The following ATRNL1 variants were observed in gnomAD, a reference collection of about 807,000 sequenced individuals.
The protein encoded by ATRNL1 is attractin-like protein 1.
ATRNL1 carries 95 observed loss-of-function variants against 182.7 expected under a neutral mutation model. That is an observed-to-expected ratio of 0.52 (90% CI 0.44 to 0.62). The LOEUF (loss-of-function observed/expected upper bound fraction) is 0.62. Ranked by LOEUF, ATRNL1 falls within the 20% of genes least tolerant of loss-of-function variation. ATRNL1 has a pLI of 0.00. For synonymous variants in ATRNL1, 576 were observed against 568.3 expected (o/e 1.01, Z -0.19); for missense variants, 1,471 against 1,679.5 (o/e 0.88, Z 2.17).
intron 28 of ATRNL1, among the ~76,000 whole-genome samples, chr10:115,933,958 C>T (rs1230845675): frequency 6.6e-6 from 1 of 152,196 alleles, no homozygotes; most frequent in African/African-American, 2.4e-5. Flanking sequence ...TTTGCACACA[C>T]ACCCCAGCCC....
intron 1 of ATRNL1, among the ~76,000 whole-genome samples, chr10:115,099,058 T>G (rs2085094009): frequency 6.6e-6 from 1 of 152,228 alleles, no homozygotes; most frequent in Non-Finnish European, 1.5e-5. Context: ...CTAGAAAGTT[T>G]CCATGTGTTT....
chr10:115,603,375 C>T (rs1227439020), intron 26 of ATRNL1, among the ~76,000 whole-genome samples: 4 of 152,102 alleles, frequency 2.6e-5, no homozygotes, highest in Non-Finnish European at 2.9e-5. Context: ...AGACTCCTGT[C>T]ATCCCATCAA....
At chr10:115,694,558 A>G (rs1186827784) in intron 26 of ATRNL1, among the ~76,000 whole-genome samples, 2 of 152,122 alleles carry the variant, frequency 1.3e-5, no homozygotes, top group African/African-American at 4.8e-5. Context: ...TCAAAGACAC[A>G]GATACTGCTA....
intron 20 of ATRNL1, among the ~76,000 whole-genome samples, chr10:115,421,145 A>G (rs1845632856): frequency 6.6e-6 from 1 of 152,092 alleles, no homozygotes; most frequent in African/African-American, 2.4e-5. Context: ...AATTACTATC[A>G]AACTATTCCA....
At chr10:115,143,344 C>G (rs915227817) in intron 5 of ATRNL1, among the ~76,000 whole-genome samples, 1 of 151,908 alleles carries the variant, frequency 6.6e-6, no homozygotes, top group East Asian at 1.9e-4. Flanking sequence ...ATCCTGCTCT[C>G]AATATAGCTA....
At chr10:115,921,615 CTCT>C (rs1281125393) in intron 28 of ATRNL1, among the ~76,000 whole-genome samples, 3 of 152,180 alleles carry the variant, frequency 2.0e-5, no homozygotes, top group Non-Finnish European at 4.4e-5. Context: ...TTAGCTGTAG[CTCT>C]TCTTCTTTGT....
intron 27 of ATRNL1, among the ~76,000 whole-genome samples, chr10:115,808,984 C>A (rs1184367783): frequency 6.6e-6 from 1 of 151,800 alleles, no homozygotes; most frequent in South Asian, 2.1e-4. Context: ...ATATTTAGGT[C>A]TGTATTGTAT....
At chr10:115,216,866 T>G (rs1849254477) in intron 9 of ATRNL1, among the ~76,000 whole-genome samples, 1 of 151,988 alleles carries the variant, frequency 6.6e-6, no homozygotes, top group Admixed American at 6.6e-5. Context: ...CTTTTTTCTT[T>G]TGGTAATTTT....
intron 28 of ATRNL1, among the ~76,000 whole-genome samples, chr10:115,876,456 C>A (rs908778860): frequency 1.3e-5 from 2 of 152,180 alleles, no homozygotes; most frequent in Admixed American, 1.3e-4. Flanking sequence ...ACATACCTAG[C>A]AAAATGTAGG....
At chr10:115,394,556 G>T (rs370937174) in intron 19 of ATRNL1, 103 bp from the exon 20 acceptor site, 8 of 840,292 alleles carry the variant, frequency 9.5e-6, no homozygotes, top group East Asian at 5.3e-5. Context: ...ATGGCAAGAG[G>T]AAGTTACAGG....
At position 115,455,637 on chromosome 10, in the gene ATRNL1, G is replaced by A. The variant is rs146515507; in HGVS notation, c.3323-6304G>A. 5.2e-3 allele frequency among the ~76,000 whole-genome samples: 799 copies of A among 152,212 alleles called. 7 individuals carry two copies. The highest frequency in any genetic ancestry group is 0.018 in the African/African-American group (762 of 41,514). On this transcript the variant is annotated intron_variant, in intron 21 of 28. Transcript: ENST00000355044. ...AACAAAAGCCAAAATTGACTAATGGGATCTAATTAAACCAAAGAGCTTCTG... is the reference window on the plus strand; with the variant it reads ...AACAAAAGCCAAAATTGACTAATGGAATCTAATTAAACCAAAGAGCTTCTG...
intron 19 of ATRNL1, among the ~76,000 whole-genome samples, chr10:115,339,133 T>A (rs1237938610): frequency 6.6e-6 from 1 of 152,206 alleles, no homozygotes; most frequent in African/African-American, 2.4e-5. Flanking sequence ...AGCTCCTTAG[T>A]ATACCTTGAA....
chr10:115,897,544 G>A (rs184488421), intron 28 of ATRNL1, among the ~76,000 whole-genome samples: 3 of 152,310 alleles, frequency 2.0e-5, no homozygotes, highest in Admixed American at 1.3e-4. Context: ...GGATCATGGA[G>A]CTAGTTAAAT....
rs1435878485 is a variant in ATRNL1 at position 115,093,706 on chromosome 10, C to T, written c.-45C>T. The T allele has an allele frequency of 4.2e-6, 6 of 1,417,456 alleles. 1 individual carries two copies. The South Asian group carries it at 7.4e-5, about 17-fold the overall frequency. The allele number at this position is 1,417,456 out of a possible 1,614,324, so 87.8% of individuals were successfully genotyped here. A position where few individuals can be genotyped will look rare whatever the true frequency, so the allele number is the denominator to read the frequency against. On this transcript the variant is annotated 5_prime_UTR_variant, in exon 1 of 29. Coordinates refer to ENST00000355044, the MANE Select transcript of ATRNL1 (RefSeq NM_207303.4). The surrounding 1 kb of genome is among the most constrained non-coding windows in gnomAD (Gnocchi z 6.1). ...GAATTCCCTTCAACAGCATCCCTGT[C>T]GGCGCCCGCGAGCGCAGTCTCGCCG... is the stretch of plus-strand genomic sequence containing the variant.
At chr10:115,621,254 A>ATATATATATATATAT (rs1857724139) in intron 26 of ATRNL1, among the ~76,000 whole-genome samples, 1 of 71,308 alleles carries the variant, frequency 1.4e-5, no homozygotes, top group Non-Finnish European at 2.3e-5. Context: ...TTGAGCTCTG[A>ATATATATATATATAT]ATATATATAT....
chr10:115,688,529 T>C (rs1555047063), intron 26 of ATRNL1, among the ~76,000 whole-genome samples: 1 of 151,730 alleles, frequency 6.6e-6, no homozygotes, highest in Admixed American at 6.6e-5. Flanking sequence ...TGGTATCTGA[T>C]TGTGGTTTTG....
intron 26 of ATRNL1, among the ~76,000 whole-genome samples, chr10:115,692,261 C>T (rs1017644178): frequency 2.0e-5 from 3 of 152,226 alleles, no homozygotes; most frequent in African/African-American, 4.8e-5. Flanking sequence ...CCTGATGGGA[C>T]CCTATTGCTT....
chr10:115,461,442 A>G (rs1847791995), intron 21 of ATRNL1, among the ~76,000 whole-genome samples: 1 of 152,078 alleles, frequency 6.6e-6, no homozygotes, highest in African/African-American at 2.4e-5. Flanking sequence ...AGTAGAAGTG[A>G]ACACAATGGA....
chr10:115,272,017 C>T (rs2133898697), intron 13 of ATRNL1, among the ~76,000 whole-genome samples: 1 of 152,248 alleles, frequency 6.6e-6, no homozygotes, highest in South Asian at 2.1e-4. Flanking sequence ...AAGTATGTGG[C>T]AACTCCACCT....
Sources: gnomAD v4.1 joint callset for allele counts (sites outside exome capture counted in the v4.1 genomes callset) on GRCh38, gnomAD v4.1.1 for gene constraint, Gnocchi (gnomAD v3.1) non-coding constraint, MANE v1.5 for transcripts, NCBI Gene and HGNC (gene_info 2026-07-23, HGNC 2026-07-21) for gene names.